The following EYA3 variants were observed in gnomAD, a reference collection of about 807,000 sequenced individuals.
EYA3 encodes protein phosphatase EYA3.
A neutral mutation model predicts 80.0 loss-of-function variants in EYA3; 39 were observed. That is an observed-to-expected ratio of 0.49 (90% CI 0.38 to 0.64). EYA3 has a LOEUF of 0.64. Among genes scored for constraint, EYA3 ranks in the 30% least tolerant of loss-of-function variants. The pLI, the probability that EYA3 is intolerant of heterozygous loss-of-function variation, is 0.00. For synonymous variants in EYA3, 206 were observed against 232.8 expected, an observed-to-expected ratio of 0.88 and a Z score of 1.05; for missense variants, 523 against 676.1, an observed-to-expected ratio of 0.77 and a Z score of 2.51.
chr1:27,997,279 TAAC>T (rs1199812732), intron 13 of EYA3, 38 bp downstream of exon 13: 1 of 1,561,872 alleles, frequency 6.4e-7, no homozygotes, highest in Non-Finnish European at 8.8e-7. Flanking sequence ...ATCTTGCACA[TAAC>T]AGGTGTACTG....
intron 7 of EYA3, among the ~76,000 whole-genome samples, chr1:28,024,739 T>A (rs1642672194): frequency 6.6e-6 from 1 of 152,112 alleles, no homozygotes; most frequent in East Asian, 1.9e-4. Context: ...AATTAAAACA[T>A]CTCAGCTGAA....
At chr1:28,050,716 T>C (rs1033162017) in intron 2 of EYA3, among the ~76,000 whole-genome samples, 2 of 152,154 alleles carry the variant, frequency 1.3e-5, no homozygotes, top group South Asian at 2.1e-4. Flanking sequence ...ATATGGCCCA[T>C]TGTTTGTCTT....
At chr1:28,028,048 G>C in intron 6 of EYA3, 122 bp from the exon 7 acceptor site, 1 of 1,151,290 alleles carries the variant, frequency 8.7e-7, no homozygotes, top group South Asian at 1.6e-5. Context: ...AAATTTGCTT[G>C]TAAGAGAAAA....
chr1:28,007,329 C>G (rs1433666702), intron 10 of EYA3, among the ~76,000 whole-genome samples: 1 of 147,792 alleles, frequency 6.8e-6, no homozygotes, highest in Non-Finnish European at 1.5e-5. Flanking sequence ...GTATTTCTTT[C>G]TTTCTTTCTT....
intron 6 of EYA3, among the ~76,000 whole-genome samples, chr1:28,030,296 CT>C (rs1339810896): frequency 1.3e-5 from 2 of 152,114 alleles, no homozygotes; most frequent in Admixed American, 6.5e-5. Context: ...ATGATAATCA[CT>C]TCTTAATTTT....
At position 28,013,105 on chromosome 1, in the gene EYA3, G is replaced by A. The variant is rs1218685100; in HGVS notation, c.769+6C>T. 1.2e-6 allele frequency: 2 copies of A among 1,610,096 alleles called. No individual in the cohort carries two copies. Among genetic ancestry groups the A allele is most frequent in the Non-Finnish European group, 1.7e-6 (2 of 1,178,840 alleles). On this transcript the variant is annotated splice_donor_region_variant and intron_variant, in intron 9 of 17. Transcript: ENST00000373871. The surrounding 1 kb of genome is among the most constrained non-coding windows in gnomAD (Gnocchi z 4.0). Reference sequence around the variant, plus strand: ...AAGCCAAAGTTTTCAGAGCTGCGGTGCTTACCAGAGGAAAGTCTCTGTGCT... The same window carrying A: ...AAGCCAAAGTTTTCAGAGCTGCGGTACTTACCAGAGGAAAGTCTCTGTGCT...
At chr1:28,046,160 T>C (rs1216011615) in intron 3 of EYA3, among the ~76,000 whole-genome samples, 1 of 152,188 alleles carries the variant, frequency 6.6e-6, no homozygotes, top group Non-Finnish European at 1.5e-5. Context: ...ATGAATAAAG[T>C]TCTAGAGATG....
intron 3 of EYA3, among the ~76,000 whole-genome samples, chr1:28,047,635 TTC>T (rs1379832778): frequency 1.4e-5 from 2 of 146,576 alleles, no homozygotes; most frequent in East Asian, 2.0e-4. Flanking sequence ...GCTGCCTCTT[TTC>T]TCTTTTTTTT....
At chr1:28,067,620 T>C (rs1382683965) in intron 1 of EYA3, among the ~76,000 whole-genome samples, 3 of 151,794 alleles carry the variant, frequency 2.0e-5, no homozygotes, top group African/African-American at 7.3e-5. Flanking sequence ...TTACCCTGTT[T>C]GTGACAACAG....
chr1:27,973,460 C>A lies in EYA3; in HGVS notation c.*1006G>T, dbSNP rs1638804919. The A allele has an allele frequency of 6.6e-6, 1 of 152,078 alleles. No homozygotes were observed. The highest frequency in any genetic ancestry group is 1.5e-5 in the Non-Finnish European group (1 of 68,026). 9.4% of individuals were successfully genotyped at this position (152,078 alleles called of 1,614,324 possible). ...TTCTCTGCAGGGGGAATAGGTAGAA[C>A]CTTTCGGTCTCAAGAGCCAAGAAGC... On this transcript the variant is annotated 3_prime_UTR_variant, in exon 18 of 18. Transcript: ENST00000373871.
chr1:28,013,892 G>A lies in EYA3; in HGVS notation c.586-598C>T, dbSNP rs1641859469. On this transcript the variant is annotated intron_variant, in intron 8 of 17. Coordinates refer to ENST00000373871, the MANE Select transcript of EYA3 (RefSeq NM_001990.4). The surrounding 1 kb of genome is among the most constrained non-coding windows in gnomAD (Gnocchi z 4.0). Reference sequence around the variant, plus strand: ...AGCCTGACCAACATGGTGAAACCCTGTTTCTACTAAAAATACAAAAATTAG... The same window carrying A: ...AGCCTGACCAACATGGTGAAACCCTATTTCTACTAAAAATACAAAAATTAG... Among the ~76,000 whole-genome samples, 1 of 152,024 alleles carries A rather than the reference G, an allele frequency of 6.6e-6. No individual in the cohort carries two copies.
chr1:28,072,218 A>C (rs981723011), intron 1 of EYA3, among the ~76,000 whole-genome samples: 5 of 152,336 alleles, frequency 3.3e-5, no homozygotes, highest in African/African-American at 9.6e-5. Flanking sequence ...ATAAACCAAT[A>C]ACATGTTAGT....
At chr1:27,977,962 A>G (rs1639048309) in intron 17 of EYA3, among the ~76,000 whole-genome samples, 1 of 152,190 alleles carries the variant, frequency 6.6e-6, no homozygotes, top group Non-Finnish European at 1.5e-5. Context: ...GGCAGGAAAG[A>G]CTTTCTCTAC....
chr1:27,980,864 C>A (rs368938532), intron 16 of EYA3, among the ~76,000 whole-genome samples: 1 of 152,236 alleles, frequency 6.6e-6, no homozygotes, highest in African/African-American at 2.4e-5. Context: ...CACAGTGGGA[C>A]CTTTTCCCTA....
chr1:28,018,422 G>C (rs1365942703), intron 7 of EYA3, among the ~76,000 whole-genome samples: 3 of 152,176 alleles, frequency 2.0e-5, no homozygotes, highest in South Asian at 4.1e-4. Flanking sequence ...CAAACTCCTT[G>C]TCCTCATTTA....
chr1:27,979,799 C>T (rs1639177977), intron 16 of EYA3, among the ~76,000 whole-genome samples: 1 of 152,216 alleles, frequency 6.6e-6, no homozygotes, highest in Non-Finnish European at 1.5e-5. Context: ...TTCCTCAAGA[C>T]ATTTGACTGC....
intron 17 of EYA3, chr1:27,977,189 T>C (rs1381113728): frequency 5.4e-6 from 8 of 1,475,156 alleles, no homozygotes; most frequent in African/African-American, 1.4e-5. Flanking sequence ...GAATCAAAGC[T>C]TCATAACATA....
At position 27,972,713 on chromosome 1, in the gene EYA3, G is replaced by A. The variant is rs954353682; in HGVS notation, c.*1753C>T. 6.6e-6 allele frequency: 1 copy of A among 152,240 alleles called. No homozygotes were observed. The highest frequency in any genetic ancestry group is 1.5e-5 in the Non-Finnish European group (1 of 68,056). 9.4% of individuals were successfully genotyped at this position (152,240 alleles called of 1,614,324 possible). A position where few individuals can be genotyped will look rare whatever the true frequency, so the allele number is the denominator to read the frequency against. On this transcript the variant is annotated 3_prime_UTR_variant, in exon 18 of 18. Coordinates refer to ENST00000373871, the MANE Select transcript of EYA3 (RefSeq NM_001990.4). ...AGAGGCTGAACTTCCTCAGCTCTAG[G>A]GAATTTTATCCTGCCTGAGTAGATG...
intron 1 of EYA3, among the ~76,000 whole-genome samples, chr1:28,073,400 C>T (rs574270344): frequency 1.3e-5 from 2 of 150,438 alleles, no homozygotes; most frequent in Non-Finnish European, 3.0e-5. Flanking sequence ...TGGATTCAAG[C>T]AATCTTCCCA....
Sources: gnomAD v4.1 joint callset for allele counts (sites outside exome capture counted in the v4.1 genomes callset) on GRCh38, gnomAD v4.1.1 for gene constraint, Gnocchi (gnomAD v3.1) non-coding constraint, MANE v1.5 for transcripts, NCBI Gene and HGNC (gene_info 2026-07-23, HGNC 2026-07-21) for gene names.